CCNY: variants seen among roughly 807,000 people sequenced by gnomAD.
The protein encoded by CCNY is cyclin Y.
In CCNY, 19 loss-of-function variants were observed where a neutral mutation model predicts 42.8. The ratio of observed to expected loss-of-function variants is 0.44; its 90% CI spans 0.31 to 0.65. The LOEUF is 0.65. Among genes scored for constraint, CCNY ranks in the 30% least tolerant of loss-of-function variants. The probability of loss-of-function intolerance (pLI) is 0.07; values close to 1 mark genes in which losing one functional copy is unlikely to be tolerated. For missense variants in CCNY, 370 were observed against 437.3 expected, an observed-to-expected ratio of 0.85 and a Z score of 1.37; for synonymous variants, 165 against 162.7, an observed-to-expected ratio of 1.01 and a Z score of -0.11.
rs58335381 is a variant in CCNY, at chr10:35,383,505, A to G, written c.154+46298A>G. Among the ~76,000 whole-genome samples the G allele has an allele frequency of 5.5e-3, 840 of 152,200 alleles. 11 individuals carry two copies. The highest frequency in any genetic ancestry group is 0.019 in the African/African-American group (808 of 41,538). On this transcript the variant is annotated intron_variant, in intron 1 of 9. Coordinates refer to ENST00000374704, the MANE Select transcript of CCNY (RefSeq NM_145012.6). ...GTATTTTCAGTAGAGACAGAGTTTC[A>G]CCATATTGGCCAGGCTGGTCTCAAA...
chr10:35,569,230 A>G lies in CCNY; in HGVS notation c.*60A>G, dbSNP rs1365031688. 1 of 1,061,272 alleles carries G rather than the reference A, an allele frequency of 9.4e-7. No individual in the cohort carries two copies. The highest frequency in any genetic ancestry group is 2.0e-4 in the Middle Eastern group (1 of 5,022). The allele number at this position is 1,061,272 out of a possible 1,614,324, so 65.7% of individuals were successfully genotyped here. ...AGTTTCTCCTTTAGTTTGAGAAAAG[A>G]CAGACTTGGGGTGGGTTTGTTTTTG... On this transcript the variant is annotated 3_prime_UTR_variant, in exon 10 of 10. Coordinates refer to ENST00000374704, the MANE Select transcript of CCNY (RefSeq NM_145012.6).
chr10:35,556,989 C>T lies in CCNY; in HGVS notation c.746+3804C>T, dbSNP rs547205977. ...CCTCCTGAGTAGCTGGGATTACAGG[C>T]GCCCGCCATTAGTCCTGACTAATTT... is the stretch of plus-strand genomic sequence containing the variant. On this transcript the variant is annotated intron_variant, in intron 8 of 9. Transcript: ENST00000374704. Among the ~76,000 whole-genome samples, 6 of 152,026 alleles carry T rather than the reference C, an allele frequency of 3.9e-5. No homozygotes were observed. The East Asian group carries it at 9.7e-4, about 25-fold the overall frequency.
upstream of CCNY, among the ~76,000 whole-genome samples, chr10:35,334,859 A>G (rs1163309647): frequency 2.6e-5 from 4 of 152,240 alleles, no homozygotes; most frequent in African/African-American, 9.6e-5. Context: ...CACATTGCTG[A>G]TGCTAGATAA....
At chr10:35,356,631 T>A (rs1006433750) in intron 1 of CCNY, among the ~76,000 whole-genome samples, 3 of 152,172 alleles carry the variant, frequency 2.0e-5, no homozygotes, top group Non-Finnish European at 4.4e-5. Flanking sequence ...ACTCATACTC[T>A]GCTATTGTGG....
At chr10:35,539,728 A>T (rs191573456) in intron 7 of CCNY, among the ~76,000 whole-genome samples, 30 of 152,344 alleles carry the variant, frequency 2.0e-4, no homozygotes, top group African/African-American at 7.2e-4. Context: ...CAGAGGTTGC[A>T]GTGAGCCAAG....
At chr10:35,397,829 A>G (rs12263040) in intron 1 of CCNY, among the ~76,000 whole-genome samples, 3,500 of 152,224 alleles carry the variant, frequency 0.023, 57 homozygotes, top group African/African-American at 0.038. Flanking sequence ...CTGTCCTTCC[A>G]GTTTCTCATT....
intron 1 of CCNY, among the ~76,000 whole-genome samples, chr10:35,430,361 A>AAT: frequency 6.7e-6 from 1 of 150,168 alleles, no homozygotes; most frequent in East Asian, 2.0e-4. Flanking sequence ...AAAAAAAAAA[A>AAT]GTGATGAGAT....
Position 35,265,875 on chromosome 10 carries a change from G to A in CCNY, c.-9+15249G>A, listed in dbSNP as rs1224147268. Among the ~76,000 whole-genome samples, 4 of 152,152 alleles carry A rather than the reference G, an allele frequency of 2.6e-5. No homozygotes were observed. The East Asian group carries it at 7.7e-4, about 29-fold the overall frequency. ...CACTGGCATGCTTGCTGCCTCCCAC[G>A]CTGTCAGAGTCACACCTGCAGGCCA... On this transcript the variant is annotated intron_variant, in intron 3 of 11. Coordinates refer to the CCNY transcript ENST00000374706.
intron 3 of CCNY, among the ~76,000 whole-genome samples, chr10:35,503,045 C>T (rs1284262494): frequency 1.3e-5 from 2 of 152,108 alleles, no homozygotes; most frequent in African/African-American, 4.8e-5. Flanking sequence ...GAGGTGTGCT[C>T]CCACAGTTCT....
chr10:35,341,189 C>G lies in CCNY; in HGVS notation c.154+3982C>G, dbSNP rs532328411. 3.3e-5 allele frequency among the ~76,000 whole-genome samples: 5 copies of G among 152,352 alleles called. No individual in the cohort carries two copies. The East Asian group carries it at 5.8e-4, about 18-fold the overall frequency. On this transcript the variant is annotated intron_variant, in intron 1 of 9. Coordinates refer to ENST00000374704, the MANE Select transcript of CCNY (RefSeq NM_145012.6). ...CAGCTCACTCAGTCGCTTGCTCATT[C>G]CAGCCACATTGGCCTCCTTCCTTGC...
intron 3 of CCNY, among the ~76,000 whole-genome samples, chr10:35,508,589 A>G (rs899227178): frequency 9.8e-5 from 15 of 152,302 alleles, no homozygotes; most frequent in Non-Finnish European, 2.2e-4. Flanking sequence ...TATTGCTTCT[A>G]GGCCCATTTA....
intron 3 of CCNY, among the ~76,000 whole-genome samples, chr10:35,326,351 G>A (rs1393758456): frequency 6.6e-6 from 1 of 152,200 alleles, no homozygotes; most frequent in East Asian, 1.9e-4. Flanking sequence ...CAGCCTTGGG[G>A]AGAGGAATGA....
chr10:35,491,798 A>G (rs973070753), intron 2 of CCNY, among the ~76,000 whole-genome samples: 1 of 151,926 alleles, frequency 6.6e-6, no homozygotes, highest in African/African-American at 2.4e-5. Context: ...TATTTTTAGT[A>G]GAGATGGGGT....
At chr10:35,319,030 A>G (rs1453344164) in intron 3 of CCNY, among the ~76,000 whole-genome samples, 1 of 152,120 alleles carries the variant, frequency 6.6e-6, no homozygotes, top group Non-Finnish European at 1.5e-5. Context: ...TGGCGGGATC[A>G]CGGCTCACCG....
At chr10:35,296,735 A>G (rs1474878591) in intron 3 of CCNY, among the ~76,000 whole-genome samples, 1 of 152,138 alleles carries the variant, frequency 6.6e-6, no homozygotes, top group Non-Finnish European at 1.5e-5. Flanking sequence ...GACACATACC[A>G]CCTCCCAAGA....
chr10:35,567,818 C>T (rs1371655932), intron 9 of CCNY, among the ~76,000 whole-genome samples: 1 of 152,222 alleles, frequency 6.6e-6, no homozygotes, highest in Non-Finnish European at 1.5e-5. Context: ...CAGAACTCAG[C>T]CATGCCCCTG....
chr10:35,374,388 T>G (rs112550990), intron 1 of CCNY, among the ~76,000 whole-genome samples: 215 of 152,346 alleles, frequency 1.4e-3, no homozygotes, highest in African/African-American at 4.7e-3. Flanking sequence ...CTAGGAGAAC[T>G]TGACAAACCA....
intron 3 of CCNY, among the ~76,000 whole-genome samples, chr10:35,291,478 A>G (rs576325564): frequency 4.7e-4 from 71 of 150,730 alleles, no homozygotes; most frequent in African/African-American, 1.6e-3. Context: ...TGCTGTGTCC[A>G]CATTTTTGCT....
At chr10:35,498,022 C>T (rs1341373840) in intron 2 of CCNY, among the ~76,000 whole-genome samples, 1 of 152,130 alleles carries the variant, frequency 6.6e-6, no homozygotes, top group Non-Finnish European at 1.5e-5. Flanking sequence ...ATGACTGTAA[C>T]TTATTACAGT....
Sources: gnomAD v4.1 joint callset for allele counts (sites outside exome capture counted in the v4.1 genomes callset) on GRCh38, gnomAD v4.1.1 for gene constraint, MANE v1.5 for transcripts, NCBI Gene and HGNC (gene_info 2026-07-23, HGNC 2026-07-21) for gene names.